TMEM131: variants seen among roughly 807,000 people sequenced by gnomAD.
The protein encoded by TMEM131 is 2610524E03Rik.
TMEM131 carries 66 observed loss-of-function variants against 211.6 expected under a neutral mutation model. The ratio of observed to expected loss-of-function variants is 0.31; its 90% confidence interval spans 0.26 to 0.38. The LOEUF (loss-of-function observed/expected upper bound fraction) is 0.38, where lower values mean the gene tolerates loss of function less well. Among genes scored for constraint, TMEM131 ranks in the 10% least tolerant of loss-of-function variants. The pLI is 1.00. For synonymous variants in TMEM131, 844 were observed against 841.3 expected (o/e 1.00, Z -0.06); for missense variants, 2,036 against 2,299.3 (o/e 0.89, Z 2.34).
chr2:97,862,499 T>TTTC (rs1184611372), intron 4 of TMEM131, among the ~76,000 whole-genome samples: 2 of 151,948 alleles, frequency 1.3e-5, no homozygotes, highest in Non-Finnish European at 2.9e-5. Context: ...AGAGAAGGAA[T>TTTC]TAAGAATTCT....
At chr2:97,887,921 T>C in intron 4 of TMEM131, 131 bp downstream of exon 4, 1 of 665,118 alleles carries the variant, frequency 1.5e-6, no homozygotes, top group Non-Finnish European at 2.6e-6. Flanking sequence ...TTCAGTATCA[T>C]TTGTTTTCCT....
At chr2:97,952,981 G>T (rs1175409590) in intron 1 of TMEM131, among the ~76,000 whole-genome samples, 1 of 152,154 alleles carries the variant, frequency 6.6e-6, no homozygotes, top group Non-Finnish European at 1.5e-5. Flanking sequence ...GTAACATAAA[G>T]GTATTAGCAA....
intron 32 of TMEM131, 54 bp from the exon 33 acceptor site, chr2:97,772,478 T>C: frequency 6.4e-7 from 1 of 1,561,192 alleles, no homozygotes; most frequent in Non-Finnish European, 8.7e-7. Context: ...TGACTGAAAT[T>C]AGTTCCATTT....
chr2:97,926,328 T>C (rs1356359370), intron 2 of TMEM131, among the ~76,000 whole-genome samples: 1 of 152,168 alleles, frequency 6.6e-6, no homozygotes, highest in Non-Finnish European at 1.5e-5. Flanking sequence ...GTTCTAATCA[T>C]AGCATAAGAA....
At chr2:97,817,057 C>T (rs554799180) in intron 12 of TMEM131, among the ~76,000 whole-genome samples, 2 of 152,072 alleles carry the variant, frequency 1.3e-5, no homozygotes, top group African/African-American at 2.4e-5. Context: ...AGATGCTTTC[C>T]CTTTGCTGTT....
At chr2:97,784,343 T>G (rs1163291712) in intron 31 of TMEM131, among the ~76,000 whole-genome samples, 1 of 151,992 alleles carries the variant, frequency 6.6e-6, no homozygotes, top group Admixed American at 6.6e-5. Flanking sequence ...CTCAACACAT[T>G]TAAAAGAAGT....
At chr2:97,906,578 ACATTCACTCTTGGAGTCCAGCCAT>A (rs1676078677) in intron 3 of TMEM131, among the ~76,000 whole-genome samples, 1 of 152,180 alleles carries the variant, frequency 6.6e-6, no homozygotes, top group South Asian at 2.1e-4. Context: ...TTCCTCTGGG[ACATTCACTCTTGGAGTCCAGCCAT>A]CATACTAGGA....
chr2:97,859,573 T>G (rs1673982111), intron 4 of TMEM131, 146 bp from the exon 5 acceptor site: 1 of 767,368 alleles, frequency 1.3e-6, no homozygotes, highest in Non-Finnish European at 1.9e-6. Context: ...AAATTACACA[T>G]AAAAATGCAT....
In TMEM131 at chr2:97,796,879, T is replaced by G; in HGVS notation, c.2978A>C (p.Lys993Thr). The change falls in exon 27 of 41, where the codon AAA becomes ACA. Residue 993 changes from lysine (K) to threonine (T), a missense_variant. By Grantham distance (78) the Lys-to-Thr change is moderately conservative. Around this residue, in one of 3 missense-constraint regions of TMEM131, gnomAD observed 1,623 missense variants for 1,805.9 expected, o/e 0.90. Transcript: ENST00000186436. ...LPGPGSSLRF[K>T]ITEALLKDCT... Reference sequence around the variant, plus strand: ...ATCTTTTAACAATGCTTCCGTGATTTTAAAGCGTAAGGAGCTTCCTGGACC... The same window carrying G: ...ATCTTTTAACAATGCTTCCGTGATTGTAAAGCGTAAGGAGCTTCCTGGACC... 1.2e-6 allele frequency: 2 copies of G among 1,613,964 alleles called. No individual in the cohort carries two copies. The highest frequency in any genetic ancestry group is 1.7e-6 in the Non-Finnish European group (2 of 1,179,862).
At chr2:97,849,298 T>C (rs1468867814) in intron 5 of TMEM131, among the ~76,000 whole-genome samples, 1 of 152,136 alleles carries the variant, frequency 6.6e-6, no homozygotes, top group Admixed American at 6.5e-5. Flanking sequence ...AACTCCAAAC[T>C]GGAAACACCC....
chr2:97,860,505 A>C (rs1277574752), intron 4 of TMEM131, among the ~76,000 whole-genome samples: 1 of 152,206 alleles, frequency 6.6e-6, no homozygotes, highest in Non-Finnish European at 1.5e-5. Flanking sequence ...TCAAATCCCA[A>C]GCAGTTGAAA....
intron 1 of TMEM131, among the ~76,000 whole-genome samples, chr2:97,987,183 A>C (rs938390395): frequency 7.2e-5 from 11 of 152,260 alleles, no homozygotes; most frequent in Non-Finnish European, 1.6e-4. Context: ...CCAAACTGCC[A>C]TATCACTTTG....
intron 1 of TMEM131, among the ~76,000 whole-genome samples, chr2:97,986,020 C>A (rs1032701907): frequency 6.8e-6 from 1 of 147,404 alleles, no homozygotes. Context: ...CAAATAGAAA[C>A]TCAGAAAAAT....
chr2:97,899,560 C>T (rs1392798161), intron 3 of TMEM131, among the ~76,000 whole-genome samples: 5 of 151,974 alleles, frequency 3.3e-5, no homozygotes, highest in African/African-American at 7.2e-5. Context: ...ATCAGATCAG[C>T]AAAAATAAAA....
At chr2:97,760,189 A>G in intron 38 of TMEM131, 1 of 270,024 alleles carries the variant, frequency 3.7e-6, no homozygotes, top group Non-Finnish European at 7.1e-6. Context: ...AAGCCTGCTC[A>G]AGAAAGAGGC....
intron 15 of TMEM131, among the ~76,000 whole-genome samples, 184 bp from the exon 16 acceptor site, chr2:97,812,933 C>T (rs996388234): frequency 6.6e-6 from 1 of 151,868 alleles, no homozygotes; most frequent in African/African-American, 2.4e-5. Context: ...CGCTTGAACC[C>T]GCAAGCCAAG....
At chr2:97,759,946 G>A (rs1054036876) in intron 38 of TMEM131, 197 bp from the exon 39 acceptor site, 1 of 566,006 alleles carries the variant, frequency 1.8e-6, no homozygotes, top group Admixed American at 3.0e-5. Flanking sequence ...CAGAGCTCCG[G>A]ATGCCCTATC....
At chr2:97,796,146 T>C (rs1311451357) in intron 28 of TMEM131, 72 bp downstream of exon 28, 7 of 895,382 alleles carry the variant, frequency 7.8e-6, no homozygotes, top group Non-Finnish European at 9.7e-6. Flanking sequence ...CTTTGGTAAA[T>C]ATGAAAACAT....
At chr2:97,954,763 GGCATT>G (rs1172628322) in intron 1 of TMEM131, among the ~76,000 whole-genome samples, 4 of 143,812 alleles carry the variant, frequency 2.8e-5, no homozygotes, top group Non-Finnish European at 6.0e-5. Context: ...CTGAGATCAC[GGCATT>G]GCACTTCAGC....
Sources: gnomAD v4.1 joint callset for allele counts (sites outside exome capture counted in the v4.1 genomes callset) on GRCh38, gnomAD v4.1.1 for gene constraint, gnomAD v4.1.1 regional missense constraint, MANE v1.5 for transcripts, NCBI Gene and HGNC (gene_info 2026-07-23, HGNC 2026-07-21) for gene names.